Variants in RNF13 observed in about 807,000 individuals in gnomAD.
RNF13 encodes ring finger protein 13, also known as E3 ubiquitin-protein ligase RNF13.
RNF13 carries 19 observed loss-of-function variants against 37.7 expected under a neutral mutation model. That is an observed-to-expected ratio of 0.50 (90% CI 0.35 to 0.74). The LOEUF (loss-of-function observed/expected upper bound fraction) is 0.74, where lower values mean the gene tolerates loss of function less well. Ranked by LOEUF, RNF13 falls within the 30% of genes least tolerant of loss-of-function variation. RNF13 has a pLI of 0.01. For synonymous variants in RNF13, 144 were observed against 157.8 expected (o/e 0.91, Z 0.65); for missense variants, 375 against 453.0 (o/e 0.83, Z 1.56).
chr3:149,939,267 G>T, intron 8 of RNF13: 2 of 473,322 alleles, frequency 4.2e-6, no homozygotes. Flanking sequence ...TTTTTATCCA[G>T]TTTCCTCATC....
intron 1 of RNF13, among the ~76,000 whole-genome samples, chr3:149,832,662 G>A (rs948307821): frequency 6.6e-6 from 1 of 152,060 alleles, no homozygotes. Context: ...AAGAAAACAA[G>A]AGAGGAGACT....
intron 6 of RNF13, among the ~76,000 whole-genome samples, chr3:149,909,307 C>A (rs1716742638): frequency 6.6e-6 from 1 of 150,638 alleles, no homozygotes; most frequent in Non-Finnish European, 1.5e-5. Flanking sequence ...CAAAGCCTCA[C>A]TATGTCACCC....
intron 8 of RNF13, among the ~76,000 whole-genome samples, chr3:149,922,572 C>T (rs1254593677): frequency 6.6e-6 from 1 of 152,184 alleles, no homozygotes; most frequent in African/African-American, 2.4e-5. Flanking sequence ...GAACTACTCT[C>T]ACTTACCTTC....
intron 4 of RNF13, among the ~76,000 whole-genome samples, chr3:149,878,744 C>G (rs1207839321): frequency 6.6e-6 from 1 of 152,172 alleles, no homozygotes; most frequent in Non-Finnish European, 1.5e-5. Context: ...TATCTCTATT[C>G]TCTATGTCTC....
intron 1 of RNF13, chr3:149,813,896 C>A (rs1559881728): frequency 6.6e-6 from 1 of 152,158 alleles, no homozygotes; most frequent in Admixed American, 6.6e-5. Flanking sequence ...CTTGACTTGA[C>A]TTGCACTTAT....
intron 8 of RNF13, among the ~76,000 whole-genome samples, chr3:149,954,530 A>G (rs1246920987): frequency 6.6e-6 from 1 of 152,190 alleles, no homozygotes; most frequent in African/African-American, 2.4e-5. Flanking sequence ...ATGAACCAAA[A>G]AGAATTTGGC....
chr3:149,894,962 G>C (rs1317487801), intron 4 of RNF13, among the ~76,000 whole-genome samples: 2 of 152,062 alleles, frequency 1.3e-5, no homozygotes, highest in African/African-American at 2.4e-5. Flanking sequence ...GCTAGCTTTA[G>C]GAAAGATCAA....
At chr3:149,829,831 C>G (rs937482778) in intron 1 of RNF13, among the ~76,000 whole-genome samples, 2 of 152,120 alleles carry the variant, frequency 1.3e-5, no homozygotes, top group African/African-American at 4.8e-5. Context: ...CCTATAAACC[C>G]CATGTGTTGT....
chr3:149,937,325 G>A (rs1185629106), intron 8 of RNF13, among the ~76,000 whole-genome samples: 4 of 152,116 alleles, frequency 2.6e-5, no homozygotes, highest in African/African-American at 9.7e-5. Context: ...GATAGGAACC[G>A]TAAGTCTTGG....
intron 1 of RNF13, among the ~76,000 whole-genome samples, chr3:149,830,989 G>A (rs915125366): frequency 6.6e-5 from 10 of 152,260 alleles, no homozygotes; most frequent in Non-Finnish European, 1.2e-4. Flanking sequence ...CAGCTTCCAC[G>A]TGGTGTTGAG....
chr3:149,953,400 T>A (rs1721531125), intron 8 of RNF13, among the ~76,000 whole-genome samples: 1 of 152,224 alleles, frequency 6.6e-6, no homozygotes, highest in Non-Finnish European at 1.5e-5. Context: ...CAGAATATTA[T>A]CTGCTATTGT....
intron 1 of RNF13, among the ~76,000 whole-genome samples, chr3:149,842,982 A>G (rs76583831): frequency 0.013 from 1,912 of 152,248 alleles, 38 homozygotes; most frequent in African/African-American, 0.044. Flanking sequence ...TGTGCCCCCA[A>G]TTTTGCTAAA....
chr3:149,920,934 T>A (rs1195399736), intron 7 of RNF13, among the ~76,000 whole-genome samples, 200 bp from the exon 8 acceptor site: 1 of 152,066 alleles, frequency 6.6e-6, no homozygotes, highest in African/African-American at 2.4e-5. Flanking sequence ...AATAAAAAAT[T>A]CAAGGGGTAA....
intron 8 of RNF13, chr3:149,939,204 G>C (rs1720002981): frequency 1.9e-6 from 1 of 514,344 alleles, no homozygotes; most frequent in African/African-American, 2.0e-5. Context: ...ATTCTGATTT[G>C]ACTTCTGTGC....
At chr3:149,831,222 T>A (rs1466682219) in intron 1 of RNF13, among the ~76,000 whole-genome samples, 2 of 152,218 alleles carry the variant, frequency 1.3e-5, no homozygotes, top group Non-Finnish European at 2.9e-5. Flanking sequence ...AGCAGGCCAC[T>A]GTTCTCCAGA....
intron 8 of RNF13, among the ~76,000 whole-genome samples, chr3:149,951,502 G>A (rs909492642): frequency 3.9e-5 from 6 of 152,174 alleles, no homozygotes; most frequent in Admixed American, 3.9e-4. Context: ...GAGAGTTGGT[G>A]CTATAGGTTG....
At chr3:149,920,866 C>G (rs2108536142) in intron 7 of RNF13, among the ~76,000 whole-genome samples, 1 of 139,278 alleles carries the variant, frequency 7.2e-6, no homozygotes, top group South Asian at 2.3e-4. Context: ...TGCAAGCAAA[C>G]AGTTATATGA....
intron 3 of RNF13, among the ~76,000 whole-genome samples, chr3:149,855,708 A>G (rs1723585312): frequency 1.3e-5 from 2 of 151,956 alleles, no homozygotes; most frequent in African/African-American, 4.8e-5. Flanking sequence ...ACCAATGGGT[A>G]TGTACATCTA....
chr3:149,861,543 C>T (rs192596153), intron 3 of RNF13, among the ~76,000 whole-genome samples: 3 of 152,202 alleles, frequency 2.0e-5, no homozygotes, highest in African/African-American at 7.2e-5. Flanking sequence ...ACAAATATCC[C>T]ATGTTCTCAC....
Sources: allele counts gnomAD v4.1 joint callset (sites outside exome capture counted in the v4.1 genomes callset), GRCh38; gene constraint gnomAD v4.1.1; transcripts MANE v1.5; gene names NCBI Gene and HGNC (gene_info 2026-07-23, HGNC 2026-07-21).